Variants in TRAF5 observed in about 807,000 individuals in gnomAD.
TRAF5 encodes the protein TNF receptor-associated factor 5.
A neutral mutation model predicts 64.5 loss-of-function variants in TRAF5; 48 were observed. The observed-to-expected ratio is 0.74, with a 90% CI of 0.59 to 0.95. The LOEUF is 0.95. Among genes scored for constraint, TRAF5 ranks in the 40% least tolerant of loss-of-function variants. The probability of loss-of-function intolerance (pLI) is 0.00; values close to 1 mark genes in which losing one functional copy is unlikely to be tolerated. For missense variants in TRAF5, 545 were observed against 662.8 expected, an observed-to-expected ratio of 0.82 and a Z score of 1.95; for synonymous variants, 206 against 240.5, an observed-to-expected ratio of 0.86 and a Z score of 1.33.
At chr1:211,367,442 T>C (rs1703390403) in intron 8 of TRAF5, among the ~76,000 whole-genome samples, 1 of 152,200 alleles carries the variant, frequency 6.6e-6, no homozygotes, top group South Asian at 2.1e-4. Context: ...TAAAAAGGGA[T>C]AATATAGTTA....
intron 1 of TRAF5, among the ~76,000 whole-genome samples, chr1:211,345,009 C>T (rs1702559497): frequency 2.0e-5 from 3 of 152,178 alleles, no homozygotes; most frequent in South Asian, 2.1e-4. Context: ...ACCGCAGCCT[C>T]CTGGGTTCAA....
chr1:211,353,594 C>G, intron 2 of TRAF5, 137 bp downstream of exon 2: 1 of 799,908 alleles, frequency 1.3e-6, no homozygotes, highest in Non-Finnish European at 2.0e-6. Context: ...AAGGACTCTC[C>G]CAGATCCCCT....
At chr1:211,369,258 T>C (rs1703445919) in intron 8 of TRAF5, 194 bp from the exon 9 acceptor site, 6 of 442,168 alleles carry the variant, frequency 1.4e-5, no homozygotes, top group Non-Finnish European at 2.3e-5. Flanking sequence ...ATTCTGTAGA[T>C]GTGGCTTTTT....
At chr1:211,333,835 A>T (rs1702223015) in intron 1 of TRAF5, among the ~76,000 whole-genome samples, 1 of 152,176 alleles carries the variant, frequency 6.6e-6, no homozygotes, top group Non-Finnish European at 1.5e-5. Flanking sequence ...TGACTTGCCT[A>T]TGCCTACCTT....
intron 8 of TRAF5, 97 bp downstream of exon 8, chr1:211,365,565 A>G (rs1038044475): frequency 8.3e-6 from 8 of 964,706 alleles, no homozygotes; most frequent in Admixed American, 7.6e-5. Context: ...CTGTTTCAGT[A>G]TAAGTCAATT....
chr1:211,349,549 G>T (rs765730166), intron 1 of TRAF5, among the ~76,000 whole-genome samples: 2 of 152,158 alleles, frequency 1.3e-5, no homozygotes, highest in Non-Finnish European at 2.9e-5. Context: ...CCTCCTAAAG[G>T]TCCCACCTCT....
intron 1 of TRAF5, among the ~76,000 whole-genome samples, chr1:211,344,449 G>A (rs768399775): frequency 4.6e-5 from 7 of 152,218 alleles, no homozygotes; most frequent in Non-Finnish European, 1.0e-4. Context: ...TCATCCTGGG[G>A]CAAGAACAGT....
At chr1:211,353,828 G>T (rs1466625222) in intron 2 of TRAF5, among the ~76,000 whole-genome samples, 1 of 152,160 alleles carries the variant, frequency 6.6e-6, no homozygotes, top group Non-Finnish European at 1.5e-5. Flanking sequence ...ACCTAGAAGG[G>T]ACCTTGCTGC....
intron 1 of TRAF5, among the ~76,000 whole-genome samples, chr1:211,333,672 A>G (rs1373022743): frequency 6.6e-6 from 1 of 151,686 alleles, no homozygotes; most frequent in Admixed American, 6.6e-5. Flanking sequence ...TAATTTTTGT[A>G]TTTTTAGTAG....
chr1:211,358,483 A>T (rs1485370874), intron 4 of TRAF5: 2 of 131,022 alleles, frequency 1.5e-5, no homozygotes, highest in Non-Finnish European at 3.5e-5. Context: ...TCTAAAAAAA[A>T]AAAAAAACAA....
At chr1:211,369,807 C>T (rs182089637) in intron 9 of TRAF5, among the ~76,000 whole-genome samples, 14 of 152,126 alleles carry the variant, frequency 9.2e-5, no homozygotes, top group African/African-American at 3.4e-4. Flanking sequence ...CTCCACTGCT[C>T]CTCCCCCGAC....
At chr1:211,333,969 CA>C (rs1702227559) in intron 1 of TRAF5, among the ~76,000 whole-genome samples, 1 of 152,306 alleles carries the variant, frequency 6.6e-6, no homozygotes, top group African/African-American at 2.4e-5. Context: ...TGGGGGTCCC[CA>C]AGACCATTCC....
chr1:211,334,355 G>A (rs1702236075), intron 1 of TRAF5, among the ~76,000 whole-genome samples: 1 of 152,202 alleles, frequency 6.6e-6, no homozygotes. Flanking sequence ...AAGAAAAACA[G>A]GTGTTCCACA....
At chr1:211,360,378 G>A (rs910359488) in intron 5 of TRAF5, 8 of 485,374 alleles carry the variant, frequency 1.6e-5, no homozygotes, top group African/African-American at 1.6e-4. Flanking sequence ...CTGCAGTGTA[G>A]CTGGGGAGGC....
In TRAF5 at chr1:211,372,911, C is replaced by T; in HGVS notation, c.*209C>T. ...TGAAACTTAAAACTCTTAGAATATT[C>T]TCTTATTATTTATATTTTTATATTT... On this transcript the variant is annotated 3_prime_UTR_variant, in exon 11 of 11. Coordinates refer to ENST00000261464, the MANE Select transcript of TRAF5 (RefSeq NM_001033910.3). The T allele has an allele frequency of 2.3e-6, 1 of 443,526 alleles. No individual in the cohort carries two copies. The highest frequency in any genetic ancestry group is 5.1e-5 in the South Asian group (1 of 19,744). 27.5% of individuals were successfully genotyped at this position (443,526 alleles called of 1,614,324 possible).
rs1467436646 is a variant in TRAF5 at position 211,372,326 on chromosome 1, T to C, written c.1298T>C (p.Phe433Ser). Reference protein sequence around the residue: ...GHTVSIFSQSFYTSRCGYRLC... With the variant: ...GHTVSIFSQSSYTSRCGYRLC... ...ACAGTGTCCATCTTCAGCCAGTCCT[T>C]CTACACCAGCCGCTGTGGCTACCGG... The change falls in exon 11 of 11, where the codon TTC (phenylalanine) becomes TCC (serine). Residue 433 changes from phenylalanine (F) to serine (S), a missense_variant. Coordinates refer to ENST00000261464, the MANE Select transcript of TRAF5 (RefSeq NM_001033910.3). The C allele has an allele frequency of 1.2e-6, 2 of 1,614,096 alleles. No homozygotes were observed. Among genetic ancestry groups the C allele is most frequent in the South Asian group, 1.1e-5 (1 of 91,080 alleles).
At chr1:211,332,368 AC>A (rs1424316952) in intron 1 of TRAF5, among the ~76,000 whole-genome samples, 1 of 152,186 alleles carries the variant, frequency 6.6e-6, no homozygotes, top group Non-Finnish European at 1.5e-5. Context: ...CAAAGCCACC[AC>A]CCAGAGCCCT....
At chr1:211,360,390 G>A in intron 5 of TRAF5, 1 of 483,016 alleles carries the variant, frequency 2.1e-6, no homozygotes, top group Non-Finnish European at 3.7e-6. Flanking sequence ...TGGGGAGGCA[G>A]GATGCAGGCA....
chr1:211,365,877 A>G (rs1703335870), intron 8 of TRAF5, among the ~76,000 whole-genome samples: 2 of 152,232 alleles, frequency 1.3e-5, no homozygotes, highest in African/African-American at 2.4e-5. Flanking sequence ...AGTTAAATTA[A>G]TATTACTGTG....
Sources: gnomAD v4.1 joint callset for allele counts (sites outside exome capture counted in the v4.1 genomes callset) on GRCh38, gnomAD v4.1.1 for gene constraint, MANE v1.5 for transcripts, NCBI Gene and HGNC (gene_info 2026-07-23, HGNC 2026-07-21) for gene names.